SIGLECL1: variants seen among roughly 807,000 people sequenced by gnomAD.
SIGLECL1 encodes the protein SIGLEC family-like protein 1.
In SIGLECL1, 16 loss-of-function variants were observed where a neutral mutation model predicts 19.1. The ratio of observed to expected loss-of-function variants is 0.84; its 90% CI spans 0.57 to 1.27. The LOEUF (loss-of-function observed/expected upper bound fraction) is 1.27, where lower values mean the gene tolerates loss of function less well. Ranked by LOEUF, SIGLECL1 falls within the 50% of genes most tolerant of loss-of-function variation. SIGLECL1 has a pLI of 0.00. For missense variants in SIGLECL1, 210 were observed against 239.4 expected, an observed-to-expected ratio of 0.88 and a Z score of 0.81; for synonymous variants, 89 against 90.4, an observed-to-expected ratio of 0.98 and a Z score of 0.09.
intron 1 of SIGLECL1, among the ~76,000 whole-genome samples, chr19:51,261,934 A>G (rs542935624): frequency 3.3e-5 from 5 of 152,306 alleles, no homozygotes; most frequent in African/African-American, 1.2e-4. Context: ...AAGGGAGCAG[A>G]CCAGTGTAAC....
Position 51,252,928 on chromosome 19 carries a change from C to A in SIGLECL1, c.-191+1383C>A, listed in dbSNP as rs572025208. Among the ~76,000 whole-genome samples, 3 of 152,004 alleles carry A rather than the reference C, an allele frequency of 2.0e-5. No individual in the cohort carries two copies. In the South Asian group the frequency reaches 6.2e-4, roughly 32 times the overall value. ...CTGCTTGAGCCCAGGAGTTCGAGAC[C>A]AGCCTGGGTAACATAGTGAGACTCT... On this transcript the variant is annotated intron_variant, in intron 1 of 5. Coordinates refer to ENST00000601727, the MANE Select transcript of SIGLECL1 (RefSeq NM_001385465.1).
chr19:51,265,958 G>T, intron 4 of SIGLECL1, 76 bp downstream of exon 4: 8 of 1,434,098 alleles, frequency 5.6e-6, no homozygotes, highest in Non-Finnish European at 6.9e-6. Context: ...CACAGAGAGA[G>T]CAAAGACAGG....
chr19:51,252,781 G>A (rs953655971), intron 1 of SIGLECL1, among the ~76,000 whole-genome samples: 1 of 152,106 alleles, frequency 6.6e-6, no homozygotes, highest in Non-Finnish European at 1.5e-5. Context: ...TATGGAATAG[G>A]AAAGGACAGG....
At chr19:51,252,224 T>G (rs907919435) in intron 1 of SIGLECL1, among the ~76,000 whole-genome samples, 105 of 150,072 alleles carry the variant, frequency 7.0e-4, no homozygotes, top group Admixed American at 4.8e-3. Context: ...TTGAACCCCG[T>G]AGGCAGAGGT....
At chr19:51,256,370 A>G (rs918128280) in intron 1 of SIGLECL1, among the ~76,000 whole-genome samples, 1 of 152,216 alleles carries the variant, frequency 6.6e-6, no homozygotes, top group Non-Finnish European at 1.5e-5. Flanking sequence ...ATTTGCAGCA[A>G]CGTAAATAAA....
At chr19:51,248,185 C>CAT (rs59271344), upstream of SIGLECL1, among the ~76,000 whole-genome samples, 99,949 of 151,808 alleles carry the variant, frequency 0.66, 34,359 homozygotes, top group African/African-American at 0.85. Context: ...TTCTCTGTCA[C>CAT]GTGCTGTAAG....
chr19:51,268,366 C>T (rs1002205721), intron 5 of SIGLECL1, among the ~76,000 whole-genome samples: 16 of 152,046 alleles, frequency 1.1e-4, no homozygotes, highest in African/African-American at 3.9e-4. Flanking sequence ...GTTATGGGTA[C>T]TGAAGATGCA....
chr19:51,247,161 G>A (rs1238631727), upstream of SIGLECL1, among the ~76,000 whole-genome samples: 2 of 152,104 alleles, frequency 1.3e-5, no homozygotes, highest in Non-Finnish European at 2.9e-5. Flanking sequence ...CCTTGGTTTG[G>A]TCCAGGAACA....
At chr19:51,250,391 G>C (rs1982416489), upstream of SIGLECL1, among the ~76,000 whole-genome samples, 1 of 152,096 alleles carries the variant, frequency 6.6e-6, no homozygotes, top group African/African-American at 2.4e-5. Flanking sequence ...GCCTTGGCTG[G>C]TTTCTTTACT....
At position 51,265,865 on chromosome 19, in the gene SIGLECL1, C is replaced by T. The variant is rs551628391; in HGVS notation, c.393C>T (p.Leu131=). The T allele has an allele frequency of 6.2e-7, 1 of 1,614,198 alleles. No homozygotes were observed. The highest frequency in any genetic ancestry group is 8.5e-7 in the Non-Finnish European group (1 of 1,180,032). The change falls in exon 4 of 6, where the codon CTC becomes CTT. Residue 131 remains leucine (L), a synonymous_variant. Coordinates refer to ENST00000601727, the MANE Select transcript of SIGLECL1 (RefSeq NM_001385465.1). ...YAGIVIALLF[L]CLLPLIVKHI... Reference sequence around the variant, plus strand: ...GAATTGTAATTGCGCTGCTCTTCCTCTGCCTCCTCCCTCTCATGTGAGTAC... The same window carrying T: ...GAATTGTAATTGCGCTGCTCTTCCTTTGCCTCCTCCCTCTCATGTGAGTAC...
In SIGLECL1 at chr19:51,268,586, C is replaced by T. The variant is rs373790110; in HGVS notation, c.583C>T (p.Arg195Ter). Reference sequence around the variant, plus strand: ...TCGCTTTCAGGAAAAGCAAGATAAACGAGCCAGCTAAGCCTGTGGAACATG... The same window carrying T: ...TCGCTTTCAGGAAAAGCAAGATAAATGAGCCAGCTAAGCCTGTGGAACATG... ...ESRILEKQDK[R>*]AS Residue 195 changes from arginine to a stop codon, truncating the protein, a stop_gained, in exon 6 of 6, where the codon CGA becomes TGA. Transcript: ENST00000601727. LOFTEE classifies it high-confidence loss of function. 29 of 1,613,844 alleles carry T rather than the reference C, an allele frequency of 1.8e-5. No individual in the cohort carries two copies. The highest frequency in any genetic ancestry group is 6.7e-5 in the African/African-American group (5 of 74,846).
At chr19:51,257,946 T>C (rs1982930639) in intron 1 of SIGLECL1, 1 of 152,206 alleles carries the variant, frequency 6.6e-6, no homozygotes, top group African/African-American at 2.4e-5. Flanking sequence ...TCACACATTA[T>C]CACCAGGAAA....
In SIGLECL1 at chr19:51,264,006, T is replaced by C. The variant is rs544119121; in HGVS notation, c.-67T>C. On this transcript the variant is annotated 5_prime_UTR_variant, in exon 2 of 6. Coordinates refer to ENST00000601727, the MANE Select transcript of SIGLECL1 (RefSeq NM_001385465.1). ...ACCTCACTCCTTCTGAACCATATGG[T>C]TCTGATGTCAGAGCCAGTGTAGTAA... is the stretch of plus-strand genomic sequence containing the variant. 91 of 1,587,358 alleles carry C rather than the reference T, an allele frequency of 5.7e-5. No homozygotes were observed. The highest frequency in any genetic ancestry group is 1.7e-4 in the Middle Eastern group (1 of 6,014).
intron 1 of SIGLECL1, among the ~76,000 whole-genome samples, chr19:51,254,674 T>C (rs189854321): frequency 6.6e-6 from 1 of 152,256 alleles, no homozygotes; most frequent in East Asian, 1.9e-4. Context: ...TGTTAATAGA[T>C]ATTGGTGTTT....
In SIGLECL1 at chr19:51,268,918, A is replaced by G. The variant is rs1983865494; in HGVS notation, c.*321A>G. On this transcript the variant is annotated 3_prime_UTR_variant, in exon 6 of 6. Coordinates refer to ENST00000601727, the MANE Select transcript of SIGLECL1 (RefSeq NM_001385465.1). Reference sequence around the variant, plus strand: ...AAAAATACATGTGACAATATGAATCAAGTCCATCAGCAAGTTACTTTTGAG... The same window carrying G: ...AAAAATACATGTGACAATATGAATCGAGTCCATCAGCAAGTTACTTTTGAG... 3 of 272,804 alleles carry G rather than the reference A, an allele frequency of 1.1e-5. No individual in the cohort carries two copies. In the South Asian group the frequency reaches 2.1e-4, roughly 19 times the overall value. 16.9% of individuals were successfully genotyped at this position (272,804 alleles called of 1,614,324 possible).
chr19:51,265,626 C>A lies in SIGLECL1; in HGVS notation c.281C>A (p.Ala94Asp). ...GGGAAGAACCAAAACGGAACCCATGCTTTGAGCATCCTACTGATGTCAAGT... is the reference window on the plus strand; with the variant it reads ...GGGAAGAACCAAAACGGAACCCATGATTTGAGCATCCTACTGATGTCAAGT... ...CEGKNQNGTH[A>D]LSILLMSRKS... Residue 94 changes from alanine (A) to aspartate (D), a missense_variant, in exon 3 of 6, where the codon GCT (alanine) becomes GAT (aspartate). Ala to Asp is a moderately radical substitution (Grantham distance 126). Transcript: ENST00000601727. 6.2e-7 allele frequency: 1 copy of A among 1,613,942 alleles called. No homozygotes were observed. Among genetic ancestry groups the A allele is most frequent in the Non-Finnish European group, 8.5e-7 (1 of 1,179,864 alleles).
At position 51,269,255 on chromosome 19, in the gene SIGLECL1, G is replaced by A. The variant is rs1983886784; in HGVS notation, c.*658G>A. ...AGAATGTAAGTTCCAAGAGAACAGG[G>A]ACTTTGTCTGCCTTGTTTTCTACTT... On this transcript the variant is annotated 3_prime_UTR_variant, in exon 6 of 6. Transcript: ENST00000601727. 6.6e-6 allele frequency: 1 copy of A among 152,180 alleles called. No homozygotes were observed. Among genetic ancestry groups the A allele is most frequent in the African/African-American group, 2.4e-5 (1 of 41,440 alleles). 9.4% of individuals were successfully genotyped at this position (152,180 alleles called of 1,614,324 possible).
At chr19:51,267,038 G>A (rs11668077) in intron 4 of SIGLECL1, among the ~76,000 whole-genome samples, 1,854 of 152,212 alleles carry the variant, frequency 0.012, 17 homozygotes, top group Non-Finnish European at 0.02. Flanking sequence ...CTGGCTATGG[G>A]GAGACAAAGA....
chr19:51,267,842 G>A (rs1983792970), intron 5 of SIGLECL1, among the ~76,000 whole-genome samples: 1 of 152,170 alleles, frequency 6.6e-6, no homozygotes, highest in Non-Finnish European at 1.5e-5. Context: ...TGGAAACCAA[G>A]GATTTGGCCT....
Sources: allele counts gnomAD v4.1 joint callset (sites outside exome capture counted in the v4.1 genomes callset), GRCh38; gene constraint gnomAD v4.1.1; transcripts MANE v1.5; gene names NCBI Gene and HGNC (gene_info 2026-07-23, HGNC 2026-07-21).